DLC1: variants seen among roughly 807,000 people sequenced by gnomAD.
DLC1 encodes the protein DLC1 Rho GTPase activating protein.
DLC1 carries 54 observed loss-of-function variants against 140.3 expected under a neutral mutation model. That is an observed-to-expected ratio of 0.38 (90% CI 0.31 to 0.48). The LOEUF (loss-of-function observed/expected upper bound fraction) is 0.48. Ranked by LOEUF, DLC1 falls within the 20% of genes least tolerant of loss-of-function variation. The probability of loss-of-function intolerance (pLI) is 0.96; values close to 1 mark genes in which losing one functional copy is unlikely to be tolerated. For missense variants in DLC1, 2,536 were observed against 1,907.0 expected, an observed-to-expected ratio of 1.33 and a Z score of -6.14; for synonymous variants, 986 against 728.1, an observed-to-expected ratio of 1.35 and a Z score of -5.70.
chr8:13,518,364 C>T (rs1338511414), upstream of DLC1, among the ~76,000 whole-genome samples: 2 of 152,192 alleles, frequency 1.3e-5, no homozygotes, highest in African/African-American at 4.8e-5. Flanking sequence ...CTGCCTCGGC[C>T]TCCCAAAGTG....
intron 4 of DLC1, among the ~76,000 whole-genome samples, chr8:13,313,970 G>C (rs1174251764): frequency 6.6e-6 from 1 of 152,024 alleles, no homozygotes; most frequent in Non-Finnish European, 1.5e-5. Flanking sequence ...CAGAGGAGCA[G>C]ACTCCCATTT....
chr8:13,579,582 AT>A (rs1395990478), intron 1 of DLC1, among the ~76,000 whole-genome samples: 2 of 104,374 alleles, frequency 1.9e-5, no homozygotes, highest in Non-Finnish European at 4.0e-5. Flanking sequence ...AATATATTAT[AT>A]TTTATATTAT....
intron 1 of DLC1, among the ~76,000 whole-genome samples, chr8:13,543,503 A>T (rs60986516): frequency 0.12 from 18,254 of 152,178 alleles, 1,288 homozygotes; most frequent in Non-Finnish European, 0.14. Context: ...CCGCACATGT[A>T]TGTTTATTTC....
chr8:13,538,375 A>C (rs1175080935), intron 1 of DLC1, among the ~76,000 whole-genome samples: 15 of 152,140 alleles, frequency 9.9e-5, no homozygotes, highest in Non-Finnish European at 1.5e-5. Context: ...GTATAAAAAA[A>C]AAAAACAGCA....
At chr8:13,233,586 G>A (rs1829152858) in intron 5 of DLC1, among the ~76,000 whole-genome samples, 1 of 151,966 alleles carries the variant, frequency 6.6e-6, no homozygotes, top group Non-Finnish European at 1.5e-5. Flanking sequence ...ATCTGCATAG[G>A]ATAAGAATGT....
chr8:13,210,602 A>G (rs1827890666), intron 5 of DLC1, among the ~76,000 whole-genome samples: 1 of 152,232 alleles, frequency 6.6e-6, no homozygotes, highest in South Asian at 2.1e-4. Context: ...CATTAAATCA[A>G]TTTTAGAAAT....
At position 13,359,550 on chromosome 8, in the gene DLC1, A is replaced by G. The variant is rs568255613; in HGVS notation, c.1314+34003T>C. Among the ~76,000 whole-genome samples the G allele has an allele frequency of 5.4e-4, 82 of 152,162 alleles. 1 individual carries two copies. The highest frequency in any genetic ancestry group is 1.0e-3 in the Non-Finnish European group (71 of 68,038). On this transcript the variant is annotated intron_variant, in intron 4 of 17. Transcript: ENST00000276297. ...AGCTGGTTTAGCAAAGTACAGCTCA[A>G]TCTAAACGATGCATTGGAAAGGAAA...
rs527750003 is a variant in DLC1, at chr8:13,084,033, C to T, written c.*1778G>A. The stretch of plus-strand genomic sequence containing the variant: ...ATTTTCTTCACTTAGACTGTATTCA[C>T]GTAAAGTGTATTTACAATAAGAAGA... On this transcript the variant is annotated 3_prime_UTR_variant, in exon 18 of 18. Coordinates refer to ENST00000276297, the MANE Select transcript of DLC1 (RefSeq NM_182643.3). 1.5e-3 allele frequency: 226 copies of T among 152,482 alleles called. 1 individual carries two copies. The highest frequency in any genetic ancestry group is 5.2e-3 in the African/African-American group (217 of 41,508). 9.4% of individuals were successfully genotyped at this position (152,482 alleles called of 1,614,324 possible).
chr8:13,159,663 C>T (rs1824529812), intron 5 of DLC1, among the ~76,000 whole-genome samples: 1 of 152,096 alleles, frequency 6.6e-6, no homozygotes, highest in Non-Finnish European at 1.5e-5. Context: ...TACTACAGAA[C>T]AGAGCCCACA....
At chr8:13,510,207 T>G (rs1049709484) in intron 1 of DLC1, among the ~76,000 whole-genome samples, 3 of 150,386 alleles carry the variant, frequency 2.0e-5, no homozygotes, top group African/African-American at 7.3e-5. Context: ...GAAGTTTTGC[T>G]CTTGTCGCCC....
At chr8:13,310,371 T>C (rs182381055) in intron 4 of DLC1, among the ~76,000 whole-genome samples, 6 of 152,296 alleles carry the variant, frequency 3.9e-5, no homozygotes, top group Admixed American at 2.6e-4. Flanking sequence ...CTCCTTTCCC[T>C]TTAAAACATT....
chr8:13,240,323 C>T (rs1442047092), intron 5 of DLC1, among the ~76,000 whole-genome samples: 3 of 152,166 alleles, frequency 2.0e-5, no homozygotes, highest in East Asian at 1.9e-4. Flanking sequence ...AACAATGAAA[C>T]GTGACAATAA....
intron 2 of DLC1, among the ~76,000 whole-genome samples, chr8:13,462,701 C>T (rs919322155): frequency 5.9e-5 from 9 of 152,124 alleles, no homozygotes; most frequent in East Asian, 5.8e-4. Flanking sequence ...CCACCGCGCC[C>T]GGCCTACTAT....
At chr8:13,228,629 A>G (rs1364648271) in intron 5 of DLC1, among the ~76,000 whole-genome samples, 1 of 152,206 alleles carries the variant, frequency 6.6e-6, no homozygotes, top group Non-Finnish European at 1.5e-5. Context: ...ATGTGGCTGT[A>G]GTCCCAGCTA....
intron 2 of DLC1, among the ~76,000 whole-genome samples, chr8:13,452,968 CTTG>C (rs757258323): frequency 1.6e-4 from 24 of 151,912 alleles, no homozygotes; most frequent in Non-Finnish European, 3.4e-4. Flanking sequence ...CTCACAGTTT[CTTG>C]TTGTTGTTGT....
chr8:13,427,630 C>G (rs879118851), intron 2 of DLC1, among the ~76,000 whole-genome samples: 3 of 152,150 alleles, frequency 2.0e-5, no homozygotes, highest in Admixed American at 6.5e-5. Context: ...CCCCCTCTCT[C>G]TGTGACTTCT....
intron 4 of DLC1, among the ~76,000 whole-genome samples, chr8:13,313,946 C>T (rs2117562323): frequency 6.6e-6 from 1 of 152,182 alleles, no homozygotes; most frequent in Non-Finnish European, 1.5e-5. Context: ...TGATATTCTA[C>T]TTGGGTCTCC....
intron 2 of DLC1, among the ~76,000 whole-genome samples, chr8:13,416,270 T>G (rs553801140): frequency 1.3e-5 from 2 of 152,144 alleles, no homozygotes; most frequent in Non-Finnish European, 2.9e-5. Flanking sequence ...TATAGCAATT[T>G]AAAAAATTGG....
At chr8:13,490,052 C>T (rs77958426) in intron 2 of DLC1, among the ~76,000 whole-genome samples, 1 of 150,834 alleles carries the variant, frequency 6.6e-6, no homozygotes, top group African/African-American at 2.4e-5. Context: ...GTTAAATACA[C>T]CCCCCACTTT....
Sources: gnomAD v4.1 joint callset for allele counts (sites outside exome capture counted in the v4.1 genomes callset) on GRCh38, gnomAD v4.1.1 for gene constraint, MANE v1.5 for transcripts, NCBI Gene and HGNC (gene_info 2026-07-23, HGNC 2026-07-21) for gene names.